Variants in MAP3K19 observed in about 807,000 individuals in gnomAD.
MAP3K19 encodes the protein mitogen-activated protein kinase kinase kinase 19.
MAP3K19 carries 91 observed loss-of-function variants against 114.4 expected under a neutral mutation model. The observed-to-expected ratio is 0.80, with a 90% CI of 0.67 to 0.95. The LOEUF (loss-of-function observed/expected upper bound fraction) is 0.95, where lower values mean the gene tolerates loss of function less well. Ranked by LOEUF, MAP3K19 falls within the 40% of genes least tolerant of loss-of-function variation. MAP3K19 has a pLI of 0.00. For synonymous variants in MAP3K19, 518 were observed against 530.5 expected (o/e 0.98, Z 0.32); for missense variants, 1,471 against 1,573.2 (o/e 0.94, Z 1.10).
chr2:135,022,274 C>G (rs1688032574), intron 4 of MAP3K19, among the ~76,000 whole-genome samples: 1 of 152,134 alleles, frequency 6.6e-6, no homozygotes, highest in Admixed American at 6.5e-5. Flanking sequence ...GTCGTCATTG[C>G]AAAACCCTCT....
At chr2:135,036,627 G>T (rs886458461) in intron 2 of MAP3K19, among the ~76,000 whole-genome samples, 2 of 146,344 alleles carry the variant, frequency 1.4e-5, no homozygotes, top group Admixed American at 7.1e-5. Context: ...TTTAGTTGGA[G>T]TTCAACATTA....
Position 134,999,899 on chromosome 2 carries a change from T to C in MAP3K19, c.314+38A>G. On this transcript the variant is annotated intron_variant, in intron 7 of 12. Transcript: ENST00000392915. The surrounding 1 kb of genome is among the most constrained non-coding windows in gnomAD (Gnocchi z 4.1). Reference sequence around the variant, plus strand: ...CCATATGACTATCATTGCTTCATACTTCATTTCAAATCTGATACTTCAAAG... The same window carrying C: ...CCATATGACTATCATTGCTTCATACCTCATTTCAAATCTGATACTTCAAAG... The C allele has an allele frequency of 7.4e-7, 1 of 1,358,362 alleles. No individual in the cohort carries two copies. The highest frequency in any genetic ancestry group is 1.1e-6 in the Non-Finnish European group (1 of 947,342). The allele number at this position is 1,358,362 out of a possible 1,614,324, so 84.1% of individuals were successfully genotyped here.
At chr2:134,992,602 G>A (rs917609414) in intron 8 of MAP3K19, among the ~76,000 whole-genome samples, 6 of 152,142 alleles carry the variant, frequency 3.9e-5, no homozygotes, top group Non-Finnish European at 7.4e-5. Context: ...TACCCAGCTC[G>A]CAGTGATGTT....
chr2:134,987,566 C>T lies in MAP3K19; in HGVS notation c.1306G>A (p.Glu436Lys), dbSNP rs147939837. The T allele has an allele frequency of 2.5e-6, 4 of 1,614,182 alleles. No homozygotes were observed. In the Admixed American group the frequency reaches 5.0e-5, roughly 20 times the overall value. The change falls in exon 10 of 13, where the codon GAG (glutamate) becomes AAG (lysine). Residue 436 changes from glutamate (E) to lysine (K), a missense_variant. Physicochemically the swap from Glu to Lys is moderately conservative, Grantham distance 56. Coordinates refer to ENST00000392915, the MANE Select transcript of MAP3K19 (RefSeq NM_025052.5). Reference sequence around the variant, plus strand: ...GATAAGCTTTTAAGTACAGTACACTCTTCTAAAATATTGTTTGGTTCCATT... The same window carrying T: ...GATAAGCTTTTAAGTACAGTACACTTTTCTAAAATATTGTTTGGTTCCATT... ...EAMEPNNILE[E>K]CTVLKSLSSV...
chr2:135,017,271 G>A (rs1184167084), intron 5 of MAP3K19, among the ~76,000 whole-genome samples: 1 of 152,156 alleles, frequency 6.6e-6, no homozygotes, highest in Non-Finnish European at 1.5e-5. Context: ...AAAAATGTCA[G>A]TATCGGTAGG....
intron 5 of MAP3K19, among the ~76,000 whole-genome samples, chr2:135,012,157 T>C (rs1687277938): frequency 6.6e-6 from 1 of 152,162 alleles, no homozygotes; most frequent in African/African-American, 2.4e-5. Context: ...TCTGCACTGT[T>C]GACATTCAAG....
chr2:134,998,103 A>C (rs1019806742), intron 8 of MAP3K19, among the ~76,000 whole-genome samples: 1 of 152,176 alleles, frequency 6.6e-6, no homozygotes, highest in Non-Finnish European at 1.5e-5. Context: ...CTATCTAGCA[A>C]ATGAGTCTTG....
chr2:134,991,443 G>A, intron 9 of MAP3K19, 94 bp downstream of exon 9: 3 of 1,051,398 alleles, frequency 2.9e-6, no homozygotes, highest in Non-Finnish European at 3.0e-6. Flanking sequence ...ATTGTTGAAG[G>A]GTCAAGTGTA....
chr2:134,988,328 A>T, intron 9 of MAP3K19, 75 bp from the exon 10 acceptor site: 1 of 1,253,970 alleles, frequency 8.0e-7, no homozygotes, highest in Non-Finnish European at 1.1e-6. Flanking sequence ...AAAGTAGTCT[A>T]AAGAGATTAT....
chr2:135,032,427 C>T (rs1688405416), intron 2 of MAP3K19, among the ~76,000 whole-genome samples: 1 of 151,122 alleles, frequency 6.6e-6, no homozygotes, highest in Non-Finnish European at 1.5e-5. Context: ...ACATAGAACT[C>T]CCCTATGATC....
At chr2:135,006,305 C>A (rs1191665420) in intron 5 of MAP3K19, among the ~76,000 whole-genome samples, 1 of 152,186 alleles carries the variant, frequency 6.6e-6, no homozygotes, top group Non-Finnish European at 1.5e-5. Flanking sequence ...AATGTTACAA[C>A]TATCTGTCTG....
At chr2:135,020,550 G>C (rs766321014) in intron 5 of MAP3K19, among the ~76,000 whole-genome samples, 6 of 152,088 alleles carry the variant, frequency 3.9e-5, no homozygotes, top group Non-Finnish European at 8.8e-5. Context: ...AGAACTCCTG[G>C]CCTCAACAGA....
intron 4 of MAP3K19, among the ~76,000 whole-genome samples, chr2:135,022,266 C>T (rs868497960): frequency 6.6e-6 from 1 of 152,126 alleles, no homozygotes; most frequent in African/African-American, 2.4e-5. Flanking sequence ...ATGTCTACGT[C>T]GTCATTGCAA....
intron 9 of MAP3K19, among the ~76,000 whole-genome samples, chr2:134,990,659 TAG>T (rs1685502710): frequency 6.6e-6 from 1 of 151,996 alleles, no homozygotes; most frequent in Non-Finnish European, 1.5e-5. Context: ...TGTATTTTAG[TAG>T]AGACGGAGTT....
At chr2:134,979,910 A>C (rs1684512301) in intron 12 of MAP3K19, among the ~76,000 whole-genome samples, 2 of 152,216 alleles carry the variant, frequency 1.3e-5, no homozygotes, top group South Asian at 4.1e-4. Flanking sequence ...AGATTTATTC[A>C]GAAAGGCAAA....
chr2:135,015,000 A>G (rs998711742), intron 5 of MAP3K19, among the ~76,000 whole-genome samples: 1 of 152,194 alleles, frequency 6.6e-6, no homozygotes, highest in Non-Finnish European at 1.5e-5. Flanking sequence ...TAGTGCTGCT[A>G]TGATCATTAT....
chr2:135,002,722 T>A (rs1261616620), intron 6 of MAP3K19, among the ~76,000 whole-genome samples: 2 of 152,072 alleles, frequency 1.3e-5, no homozygotes, highest in South Asian at 2.1e-4. Context: ...GGTGCAGGCA[T>A]GCTGTGTGCT....
chr2:135,021,657 C>T, intron 5 of MAP3K19, 58 bp downstream of exon 5: 2 of 920,194 alleles, frequency 2.2e-6, no homozygotes, highest in Non-Finnish European at 3.4e-6. Flanking sequence ...TCAAGCAACA[C>T]AAATAAAGTA....
At chr2:134,971,946 A>AT (rs1394254070) in intron 12 of MAP3K19, among the ~76,000 whole-genome samples, 1 of 146,538 alleles carries the variant, frequency 6.8e-6, no homozygotes, top group Non-Finnish European at 1.5e-5. Context: ...TGATTTTTAT[A>AT]TTTTTTTATT....
Sources: gnomAD v4.1 joint callset for allele counts (sites outside exome capture counted in the v4.1 genomes callset) on GRCh38, gnomAD v4.1.1 for gene constraint, Gnocchi (gnomAD v3.1) non-coding constraint, MANE v1.5 for transcripts, NCBI Gene and HGNC (gene_info 2026-07-23, HGNC 2026-07-21) for gene names.